The following EPB41L5 variants were observed in gnomAD, a reference collection of about 807,000 sequenced individuals.
EPB41L5 encodes erythrocyte membrane protein band 4.1 like 5.
Under a neutral mutation model 106.6 loss-of-function variants are expected in EPB41L5, and 55 were observed. The observed-to-expected ratio is 0.52, with a 90% CI of 0.42 to 0.65. The LOEUF (loss-of-function observed/expected upper bound fraction) is 0.65. Among genes scored for constraint, EPB41L5 ranks in the 30% least tolerant of loss-of-function variants. The pLI, the probability that EPB41L5 is intolerant of heterozygous loss-of-function variation, is 0.00. For missense variants in EPB41L5, 871 were observed against 882.1 expected (o/e 0.99, Z 0.16); for synonymous variants, 297 against 306.7 (o/e 0.97, Z 0.33).
chr2:120,017,963 A>AT (rs34151177), intron 1 of EPB41L5, among the ~76,000 whole-genome samples: 68,202 of 130,992 alleles, frequency 0.52, 18,526 homozygotes, highest in East Asian at 0.62. Flanking sequence ...CACCCGGCCA[A>AT]TTTTTTTTTT....
At chr2:120,148,191 C>A (rs1003756835) in intron 20 of EPB41L5, among the ~76,000 whole-genome samples, 1 of 151,972 alleles carries the variant, frequency 6.6e-6, no homozygotes, top group Non-Finnish European at 1.5e-5. Flanking sequence ...CCACAAAATT[C>A]ACTCTTTAAA....
intron 20 of EPB41L5, among the ~76,000 whole-genome samples, chr2:120,158,385 TC>T (rs1338014633): frequency 6.6e-6 from 1 of 151,932 alleles, no homozygotes; most frequent in Non-Finnish European, 1.5e-5. Flanking sequence ...AGCACATCAG[TC>T]CACCACAATC....
intron 3 of EPB41L5, among the ~76,000 whole-genome samples, chr2:120,066,853 T>C (rs1328857965): frequency 6.6e-6 from 1 of 152,172 alleles, no homozygotes; most frequent in East Asian, 1.9e-4. Context: ...CAGGCTGTAG[T>C]AGGTATTTGT....
chr2:120,174,213 T>C (rs1687830447), intron 24 of EPB41L5, among the ~76,000 whole-genome samples: 1 of 152,140 alleles, frequency 6.6e-6, no homozygotes, highest in Non-Finnish European at 1.5e-5. Context: ...CGCAGCACTT[T>C]GGGAGGCTGA....
chr2:120,080,660 C>G (rs1025305723), intron 10 of EPB41L5, among the ~76,000 whole-genome samples: 1 of 152,148 alleles, frequency 6.6e-6, no homozygotes, highest in Non-Finnish European at 1.5e-5. Flanking sequence ...ATTTCTAGTT[C>G]TAGATCCTTG....
chr2:120,174,579 TTAAG>T (rs1237414805), intron 24 of EPB41L5, among the ~76,000 whole-genome samples: 1 of 152,160 alleles, frequency 6.6e-6, no homozygotes, highest in Non-Finnish European at 1.5e-5. Flanking sequence ...TAAGAAATGG[TTAAG>T]TGTGTGTTTA....
Position 120,175,021 on chromosome 2 carries a change from G to A in EPB41L5, c.*114G>A, listed in dbSNP as rs936470469. 9 of 1,059,632 alleles carry A rather than the reference G, an allele frequency of 8.5e-6. No individual in the cohort carries two copies. Among genetic ancestry groups the A allele is most frequent in the South Asian group, 3.8e-5 (3 of 78,974 alleles). 65.6% of individuals were successfully genotyped at this position (1,059,632 alleles called of 1,614,324 possible). A position where few individuals can be genotyped will look rare whatever the true frequency, so the allele number is the denominator to read the frequency against. On this transcript the variant is annotated 3_prime_UTR_variant, in exon 25 of 25. Coordinates refer to ENST00000263713, the MANE Select transcript of EPB41L5 (RefSeq NM_020909.4). ...TATTTGTAGGTAAAAAAAGCTGCAC[G>A]TAGATTTGACTTCAACTCCGTAAAA...
At chr2:120,135,238 G>C (rs1286334276) in intron 18 of EPB41L5, among the ~76,000 whole-genome samples, 2 of 152,072 alleles carry the variant, frequency 1.3e-5, no homozygotes, top group African/African-American at 2.4e-5. Context: ...TTGAAGACAG[G>C]CTGTTTGAAA....
chr2:120,163,046 G>GT (rs1165901767), intron 21 of EPB41L5, among the ~76,000 whole-genome samples: 1 of 152,144 alleles, frequency 6.6e-6, no homozygotes, highest in Non-Finnish European at 1.5e-5. Context: ...GAGGCCAGGA[G>GT]TTTGAGATGA....
At position 120,044,481 on chromosome 2, in the gene EPB41L5, A is replaced by G. The variant is rs1679636353; in HGVS notation, c.285+2371A>G. On this transcript the variant is annotated intron_variant, in intron 3 of 24. Transcript: ENST00000263713. ...AATAATAGTAAAGCCTTACAATCAG[A>G]TGAATGAACAGATGATATTAAGGAT... Among the ~76,000 whole-genome samples, 5 of 152,320 alleles carry G rather than the reference A, an allele frequency of 3.3e-5. No homozygotes were observed. The South Asian group carries it at 8.3e-4, about 25-fold the overall frequency.
Position 120,122,771 on chromosome 2 carries a change from T to C in EPB41L5, c.1338-4917T>C, listed in dbSNP as rs545637770. Among the ~76,000 whole-genome samples the C allele has an allele frequency of 2.6e-5, 4 of 152,336 alleles. No homozygotes were observed. The East Asian group carries it at 7.7e-4, about 29-fold the overall frequency. On this transcript the variant is annotated intron_variant, in intron 16 of 24. Transcript: ENST00000263713. The stretch of plus-strand genomic sequence containing the variant: ...AATCTATAAATTACCTTGGGCAGTA[T>C]GGCCATTTTCACGATATTGATTCTT...
rs1389741285 is a variant in EPB41L5, at chr2:120,177,115, A to C, written c.*2208A>C. On this transcript the variant is annotated 3_prime_UTR_variant, in exon 25 of 25. Transcript: ENST00000263713. ...TCCTGTCATAGCTGCTGCTGCTGCC[A>C]TGCGCAGAGCTGCTGTAACAGCTCT... is the stretch of plus-strand genomic sequence containing the variant. 1 of 152,294 alleles carries C rather than the reference A, an allele frequency of 6.6e-6. No individual in the cohort carries two copies. Among genetic ancestry groups the C allele is most frequent in the Non-Finnish European group, 1.5e-5 (1 of 68,092 alleles). The allele number at this position is 152,294 out of a possible 1,614,324, so 9.4% of individuals were successfully genotyped here.
At chr2:120,167,798 T>C (rs2105560647) in intron 23 of EPB41L5, 79 bp from the exon 24 acceptor site, 2 of 1,540,962 alleles carry the variant, frequency 1.3e-6, no homozygotes, top group Non-Finnish European at 1.8e-6. Context: ...TAGTCATTAG[T>C]GAAGCTTGAT....
intron 3 of EPB41L5, among the ~76,000 whole-genome samples, chr2:120,062,491 ATAAAT>A (rs531966953): frequency 7.5e-4 from 114 of 152,332 alleles, no homozygotes; most frequent in African/African-American, 2.7e-3. Flanking sequence ...AAAAATTAAA[ATAAAT>A]TAGAAGAAAT....
intron 10 of EPB41L5, among the ~76,000 whole-genome samples, chr2:120,085,621 T>C (rs1683003829): frequency 6.6e-6 from 1 of 152,210 alleles, no homozygotes; most frequent in African/African-American, 2.4e-5. Context: ...AGAGAACCAC[T>C]GCTCTCGAAG....
At chr2:120,040,005 G>T (rs190228110) in intron 2 of EPB41L5, among the ~76,000 whole-genome samples, 2 of 151,496 alleles carry the variant, frequency 1.3e-5, no homozygotes, top group African/African-American at 4.8e-5. Flanking sequence ...AAATTCTAGC[G>T]TTGTCATTGT....
At chr2:120,105,033 A>G in intron 16 of EPB41L5, 1 of 984,714 alleles carries the variant, frequency 1.0e-6, no homozygotes, top group Non-Finnish European at 1.2e-6. Flanking sequence ...CATCTCATAC[A>G]CCTGACAGAT....
In EPB41L5 at chr2:120,167,894, T is replaced by A; in HGVS notation, c.2022T>A (p.Ser674=). The change falls in exon 24 of 25, where the codon TCT becomes TCA. Residue 674 remains serine, a synonymous_variant. Coordinates refer to ENST00000263713, the MANE Select transcript of EPB41L5 (RefSeq NM_020909.4). ...TCCCACAGCAGAGTGGTGCCATGTC[T>A]AATGGACTTGCGGGATGTGAAATGC... ...RWIVPQSGAM[S]NGLAGCEMLL... is the part of the protein sequence containing the mutation. 6.2e-7 allele frequency: 1 copy of A among 1,614,152 alleles called. No homozygotes were observed.
chr2:120,149,605 G>C (rs1686577738), intron 20 of EPB41L5, among the ~76,000 whole-genome samples: 1 of 152,060 alleles, frequency 6.6e-6, no homozygotes, highest in African/African-American at 2.4e-5. Context: ...TCATTGTATG[G>C]ATATACCACA....
Sources: allele counts gnomAD v4.1 joint callset (sites outside exome capture counted in the v4.1 genomes callset), GRCh38; gene constraint gnomAD v4.1.1; transcripts MANE v1.5; gene names NCBI Gene and HGNC (gene_info 2026-07-23, HGNC 2026-07-21).